ADAMTS17: variants seen among roughly 807,000 people sequenced by gnomAD.
ADAMTS17 encodes the protein ADAM metallopeptidase with thrombospondin type 1 motif 17, also known as A disintegrin and metalloproteinase with thrombospondin motifs 17.
Under a neutral mutation model 141.5 loss-of-function variants are expected in ADAMTS17, and 113 were observed. The observed-to-expected ratio is 0.80, with a 90% CI of 0.69 to 0.93. The LOEUF (loss-of-function observed/expected upper bound fraction) is 0.93, where lower values mean the gene tolerates loss of function less well. Among genes scored for constraint, ADAMTS17 ranks in the 40% least tolerant of loss-of-function variants. ADAMTS17 has a pLI of 0.00. For missense variants in ADAMTS17, 1,659 were observed against 1,517.9 expected (o/e 1.09, Z -1.54); for synonymous variants, 768 against 630.6 (o/e 1.22, Z -3.27).
At chr15:100,271,561 CT>C (rs1282698963) in intron 4 of ADAMTS17, among the ~76,000 whole-genome samples, 2 of 144,594 alleles carry the variant, frequency 1.4e-5, no homozygotes, top group East Asian at 4.2e-4. Context: ...TACCTAAGTC[CT>C]TTCCCATTTT....
chr15:100,311,156 C>G (rs559650468), intron 3 of ADAMTS17, among the ~76,000 whole-genome samples: 2 of 152,364 alleles, frequency 1.3e-5, no homozygotes, highest in East Asian at 3.9e-4. Flanking sequence ...GGCCAGAGGC[C>G]TCCTGCCGGG....
chr15:100,231,059 CAGAG>C (rs1402427042), intron 7 of ADAMTS17, among the ~76,000 whole-genome samples: 3 of 152,234 alleles, frequency 2.0e-5, no homozygotes, highest in Admixed American at 2.0e-4. Flanking sequence ...CATCAGAACA[CAGAG>C]AGAGCGCCTG....
intron 9 of ADAMTS17, among the ~76,000 whole-genome samples, chr15:100,154,855 G>A (rs973075917): frequency 6.6e-6 from 1 of 152,140 alleles, no homozygotes; most frequent in African/African-American, 2.4e-5. Context: ...CAGCGGCCCA[G>A]GGGCGCCCCA....
chr15:100,208,341 A>G (rs185629200), intron 7 of ADAMTS17, among the ~76,000 whole-genome samples: 237 of 152,330 alleles, frequency 1.6e-3, no homozygotes, highest in South Asian at 4.4e-3. Flanking sequence ...TCACAAATGC[A>G]TAAGGCCAGA....
chr15:100,115,932 T>G (rs1344067294), intron 13 of ADAMTS17, among the ~76,000 whole-genome samples: 2 of 152,274 alleles, frequency 1.3e-5, no homozygotes, highest in South Asian at 2.1e-4. Flanking sequence ...GCTCCCGCCC[T>G]GGCCTCTTGT....
At chr15:100,092,081 A>G (rs914278414) in intron 15 of ADAMTS17, among the ~76,000 whole-genome samples, 2 of 152,220 alleles carry the variant, frequency 1.3e-5, no homozygotes, top group African/African-American at 2.4e-5. Flanking sequence ...TTTCTATGGA[A>G]GAAGGTGCCA....
At chr15:100,117,238 G>A (rs149257448) in intron 12 of ADAMTS17, among the ~76,000 whole-genome samples, 1 of 152,118 alleles carries the variant, frequency 6.6e-6, no homozygotes, top group Non-Finnish European at 1.5e-5. Context: ...TGCAAATCAA[G>A]GTCATATGGA....
At chr15:100,313,207 A>AAC (rs758090175) in intron 3 of ADAMTS17, among the ~76,000 whole-genome samples, 19 of 152,256 alleles carry the variant, frequency 1.2e-4, no homozygotes, top group Admixed American at 3.3e-4. Context: ...AACTGAAAAT[A>AAC]ACACACACAC....
At chr15:100,068,368 C>T (rs1049443595) in intron 15 of ADAMTS17, among the ~76,000 whole-genome samples, 2 of 152,210 alleles carry the variant, frequency 1.3e-5, no homozygotes, top group Non-Finnish European at 2.9e-5. Context: ...CCTCTGCAGA[C>T]TTAAATGTCC....
chr15:100,248,483 C>T (rs926277482), intron 7 of ADAMTS17, among the ~76,000 whole-genome samples: 1 of 152,206 alleles, frequency 6.6e-6, no homozygotes, highest in Non-Finnish European at 1.5e-5. Flanking sequence ...TCTGCCAAGT[C>T]CCCATCTTGT....
At chr15:100,110,408 G>A (rs2036697286) in intron 13 of ADAMTS17, among the ~76,000 whole-genome samples, 1 of 151,376 alleles carries the variant, frequency 6.6e-6, no homozygotes, top group Non-Finnish European at 1.5e-5. Context: ...GGGACTACAG[G>A]CACCCGCCAC....
At chr15:100,322,340 T>C (rs1211049222) in intron 3 of ADAMTS17, among the ~76,000 whole-genome samples, 1 of 152,238 alleles carries the variant, frequency 6.6e-6, no homozygotes, top group Non-Finnish European at 1.5e-5. Flanking sequence ...ATATAAATTC[T>C]ACCCAACTCT....
chr15:100,319,003 T>C (rs919182740), intron 3 of ADAMTS17, among the ~76,000 whole-genome samples: 2 of 152,280 alleles, frequency 1.3e-5, no homozygotes, highest in Non-Finnish European at 2.9e-5. Flanking sequence ...TAGATCATCC[T>C]GTGCTTCCGA....
intron 2 of ADAMTS17, 63 bp from the exon 3 acceptor site, chr15:100,331,117 C>T (rs2046040578): frequency 1.2e-6 from 2 of 1,601,706 alleles, no homozygotes; most frequent in Admixed American, 3.4e-5. Flanking sequence ...CCCATGGCCC[C>T]CCGGAGGGGC....
chr15:100,031,334 C>A (rs1159528465), intron 18 of ADAMTS17, among the ~76,000 whole-genome samples: 1 of 152,180 alleles, frequency 6.6e-6, no homozygotes, highest in Non-Finnish European at 1.5e-5. Context: ...TAAACAAATC[C>A]ATTTCAATAA....
In ADAMTS17 at chr15:99,971,713, G is replaced by C. The variant is rs1038623544; in HGVS notation, c.*2689C>G. 2.6e-5 allele frequency: 4 copies of C among 152,156 alleles called. No individual in the cohort carries two copies. The highest frequency in any genetic ancestry group is 9.7e-5 in the African/African-American group (4 of 41,442). 9.4% of individuals were successfully genotyped at this position (152,156 alleles called of 1,614,324 possible). On this transcript the variant is annotated 3_prime_UTR_variant, in exon 22 of 22. Transcript: ENST00000268070. Reference sequence around the variant, plus strand: ...CTGCATTCTGATCCTATCCAGCAACGGTCAGCTGAGAGGGTTTAATTTTGC... The same window carrying C: ...CTGCATTCTGATCCTATCCAGCAACCGTCAGCTGAGAGGGTTTAATTTTGC...
At chr15:100,250,600 C>T (rs951219212) in intron 7 of ADAMTS17, among the ~76,000 whole-genome samples, 5 of 152,116 alleles carry the variant, frequency 3.3e-5, no homozygotes, top group African/African-American at 4.8e-5. Context: ...GCATCTCAGC[C>T]GCCGTGGACT....
intron 18 of ADAMTS17, among the ~76,000 whole-genome samples, chr15:99,998,253 T>C (rs533779207): frequency 4.4e-4 from 67 of 152,256 alleles, no homozygotes; most frequent in East Asian, 3.9e-3. Flanking sequence ...GAGTGGCACG[T>C]TGTGGGCCAT....
At chr15:100,247,138 C>A (rs879302589) in intron 7 of ADAMTS17, among the ~76,000 whole-genome samples, 2 of 152,110 alleles carry the variant, frequency 1.3e-5, no homozygotes, top group Admixed American at 1.3e-4. Context: ...CCACCCACCT[C>A]GGCCTCCCAA....
Sources: allele counts gnomAD v4.1 joint callset (sites outside exome capture counted in the v4.1 genomes callset), GRCh38; gene constraint gnomAD v4.1.1; transcripts MANE v1.5; gene names NCBI Gene and HGNC (gene_info 2026-07-23, HGNC 2026-07-21).